MED17: variants seen among roughly 807,000 people sequenced by gnomAD.
The protein encoded by MED17 is mediator complex subunit 17.
In MED17, 49 loss-of-function variants were observed where a neutral mutation model predicts 80.8. The ratio of observed to expected loss-of-function variants is 0.61; its 90% CI spans 0.48 to 0.77. The LOEUF (loss-of-function observed/expected upper bound fraction) is 0.77. MED17 is among the 30% of genes least tolerant of loss of function. MED17 has a pLI of 0.00. For missense variants in MED17, 718 were observed against 787.0 expected (o/e 0.91, Z 1.05); for synonymous variants, 281 against 280.4 (o/e 1.00, Z -0.02).
chr11:93,793,135 T>TTTTTTTTTTTTTTTTTTTTA (rs1943858158), intron 3 of MED17: 1 of 144,958 alleles, frequency 6.9e-6, no homozygotes, highest in African/African-American at 2.6e-5. Flanking sequence ...TTTTTTTTTT[T>TTTTTTTTTTTTTTTTTTTTA]GAGACAGAGT....
intron 9 of MED17, chr11:93,807,281 C>T (rs1481409666): frequency 6.9e-6 from 3 of 432,420 alleles, no homozygotes; most frequent in African/African-American, 4.1e-5. Flanking sequence ...GGCATGATGG[C>T]AGGTGCCTGT....
rs1013734848 is a variant in MED17 at position 93,784,490 on chromosome 11, C to T, written c.-24C>T. 3 of 1,586,908 alleles carry T rather than the reference C, an allele frequency of 1.9e-6. No individual in the cohort carries two copies. The highest frequency in any genetic ancestry group is 8.6e-7 in the Non-Finnish European group (1 of 1,164,446). On this transcript the variant is annotated 5_prime_UTR_variant, in exon 1 of 12. Coordinates refer to ENST00000251871, the MANE Select transcript of MED17 (RefSeq NM_004268.5). Reference sequence around the variant, plus strand: ...GTTTTTTGGCTCGTGGGGGGTCCTCCCACCGCTGGCCGACGCAGCCAGCAT... The same window carrying T: ...GTTTTTTGGCTCGTGGGGGGTCCTCTCACCGCTGGCCGACGCAGCCAGCAT...
intron 11 of MED17, chr11:93,811,453 T>TGAGG: frequency 4.7e-6 from 1 of 214,574 alleles, no homozygotes; most frequent in Non-Finnish European, 9.4e-6. Context: ...GGAGGATTGC[T>TGAGG]TGAGCCCAGG....
chr11:93,801,771 C>A, intron 8 of MED17, 64 bp from the exon 9 acceptor site: 1 of 1,480,870 alleles, frequency 6.8e-7, no homozygotes, highest in South Asian at 1.2e-5. Context: ...ATTTTCGAAT[C>A]ATTTATATTC....
intron 1 of MED17, among the ~76,000 whole-genome samples, chr11:93,786,693 C>A (rs1404400924): frequency 6.6e-6 from 1 of 152,076 alleles, no homozygotes; most frequent in African/African-American, 2.4e-5. Context: ...GTCTTAAATA[C>A]CTGATGTCAG....
intron 8 of MED17, chr11:93,801,121 G>C (rs1351155938): frequency 2.0e-5 from 3 of 152,172 alleles, no homozygotes; most frequent in African/African-American, 7.2e-5. Context: ...TTGTATCCCA[G>C]TTTATAGCTA....
intron 2 of MED17, 102 bp downstream of exon 2, chr11:93,788,269 T>G: frequency 1.0e-6 from 1 of 962,854 alleles, no homozygotes; most frequent in African/African-American, 1.6e-5. Flanking sequence ...CTTGCAAAAT[T>G]AAGTCCAGAT....
Position 93,790,780 on chromosome 11 carries a change from C to T in MED17, c.624C>T (p.Ser208=). 5.0e-6 allele frequency: 8 copies of T among 1,613,794 alleles called. No homozygotes were observed. The highest frequency in any genetic ancestry group is 5.9e-6 in the Non-Finnish European group (7 of 1,179,688). ...KVGDKILGDL[S]YRSAGSLFPH... is the part of the protein sequence containing the mutation. ...GAGATAAAATTCTCGGAGATCTGAGCTACAGAAGTGCAGGTATGAATAATT... is the reference window on the plus strand; with the variant it reads ...GAGATAAAATTCTCGGAGATCTGAGTTACAGAAGTGCAGGTATGAATAATT... The change falls in exon 3 of 12, where the codon AGC becomes AGT. Residue 208 remains serine (S), a synonymous_variant. Transcript: ENST00000251871.
intron 1 of MED17, among the ~76,000 whole-genome samples, chr11:93,787,210 A>G (rs539110016): frequency 2.6e-5 from 4 of 152,130 alleles, no homozygotes; most frequent in African/African-American, 7.2e-5. Context: ...TCAGGAGATC[A>G]AGACCATCCT....
chr11:93,807,072 G>T, intron 9 of MED17: 1 of 186,000 alleles, frequency 5.4e-6, no homozygotes, highest in Non-Finnish European at 1.1e-5. Flanking sequence ...TTGAACCTAA[G>T]AAGACACCTG....
Position 93,814,568 on chromosome 11 carries a change from C to T in MED17, c.*2504C>T, listed in dbSNP as rs1944115398. 6.6e-6 allele frequency: 1 copy of T among 152,158 alleles called. No individual in the cohort carries two copies. The highest frequency in any genetic ancestry group is 1.5e-5 in the Non-Finnish European group (1 of 68,040). 9.4% of individuals were successfully genotyped at this position (152,158 alleles called of 1,614,324 possible). A position where few individuals can be genotyped will look rare whatever the true frequency, so the allele number is the denominator to read the frequency against. On this transcript the variant is annotated 3_prime_UTR_variant, in exon 12 of 12. Coordinates refer to ENST00000251871, the MANE Select transcript of MED17 (RefSeq NM_004268.5). ...TATATAAATGAAGATAGAGGTGCCT[C>T]CTCTACTAACCTCAGTGGTGATTGA... is the stretch of plus-strand genomic sequence containing the variant.
intron 10 of MED17, chr11:93,809,463 T>G: frequency 1.9e-6 from 1 of 525,638 alleles, no homozygotes; most frequent in East Asian, 3.5e-5. Flanking sequence ...GTTGGCCAAA[T>G]TTATGTCATA....
In MED17 at chr11:93,788,093, G is replaced by T; in HGVS notation, c.343G>T (p.Val115Phe). The change falls in exon 2 of 12, where the codon GTT becomes TTT. Residue 115 changes from valine to phenylalanine, a missense_variant. Physicochemically the swap from Val to Phe is conservative, Grantham distance 50. Transcript: ENST00000251871. ...ALTEMCVLYD[V>F]LSIVRDKKFM... is the part of the protein sequence containing the mutation. The stretch of plus-strand genomic sequence containing the variant: ...GACAGAGATGTGTGTTCTCTATGAT[G>T]TTCTCAGTATTGTTAGGGATAAAAA... The T allele has an allele frequency of 6.2e-7, 1 of 1,613,608 alleles. No individual in the cohort carries two copies. Among genetic ancestry groups the T allele is most frequent in the Non-Finnish European group, 8.5e-7 (1 of 1,179,618 alleles).
Position 93,807,502 on chromosome 11 carries a change from A to C in MED17, c.1467-16A>C. 1 of 1,323,494 alleles carries C rather than the reference A, an allele frequency of 7.6e-7. No homozygotes were observed. The highest frequency in any genetic ancestry group is 1.1e-6 in the Non-Finnish European group (1 of 915,122). The allele number at this position is 1,323,494 out of a possible 1,614,324, so 82.0% of individuals were successfully genotyped here. On this transcript the variant is annotated splice_polypyrimidine_tract_variant and intron_variant, in intron 9 of 11. Coordinates refer to ENST00000251871, the MANE Select transcript of MED17 (RefSeq NM_004268.5). ...ATTTTGAACATCTCTGATTTTTAGT[A>C]TGTGTGTCTATAAAGGTCCATTCAA...
chr11:93,802,461 T>C (rs532520882), intron 9 of MED17, among the ~76,000 whole-genome samples: 4 of 152,156 alleles, frequency 2.6e-5, no homozygotes, highest in Non-Finnish European at 5.9e-5. Flanking sequence ...AAGTCTGTTT[T>C]TAAACATTGT....
intron 8 of MED17, among the ~76,000 whole-genome samples, chr11:93,798,484 T>G (rs1361018885): frequency 6.6e-6 from 1 of 152,208 alleles, no homozygotes; most frequent in Admixed American, 6.5e-5. Flanking sequence ...GATTTCCAGT[T>G]TTTTTCTTGT....
intron 10 of MED17, chr11:93,809,209 T>G: frequency 4.2e-6 from 1 of 236,424 alleles, no homozygotes; most frequent in South Asian, 6.2e-5. Context: ...TAGCAGCCAG[T>G]CAAGAGATAC....
chr11:93,811,750 A>G (rs562606309), intron 11 of MED17, 103 bp from the exon 12 acceptor site: 4 of 1,068,080 alleles, frequency 3.7e-6, no homozygotes, highest in East Asian at 2.4e-5. Flanking sequence ...AAGTTGGTAG[A>G]CAAAGTTTTT....
chr11:93,812,180 A>G lies in MED17; in HGVS notation c.*116A>G, dbSNP rs1194376204. 4.6e-6 allele frequency: 4 copies of G among 876,158 alleles called. No homozygotes were observed. The highest frequency in any genetic ancestry group is 5.2e-5 in the East Asian group (2 of 38,806). The allele number at this position is 876,158 out of a possible 1,614,324, so 54.3% of individuals were successfully genotyped here. A position where few individuals can be genotyped will look rare whatever the true frequency, so the allele number is the denominator to read the frequency against. On this transcript the variant is annotated 3_prime_UTR_variant, in exon 12 of 12. Transcript: ENST00000251871. Reference sequence around the variant, plus strand: ...CAAAAGAGTGCTGTTTTTAAAAATAATAATTAGGAAATGTTTATTTAGCAC... The same window carrying G: ...CAAAAGAGTGCTGTTTTTAAAAATAGTAATTAGGAAATGTTTATTTAGCAC...
Sources: allele counts gnomAD v4.1 joint callset (sites outside exome capture counted in the v4.1 genomes callset), GRCh38; gene constraint gnomAD v4.1.1; transcripts MANE v1.5; gene names NCBI Gene and HGNC (gene_info 2026-07-23, HGNC 2026-07-21).